Variants in FSTL5 observed in about 807,000 individuals in gnomAD.
FSTL5 encodes the protein follistatin-related protein 5.
Under a neutral mutation model 89.1 loss-of-function variants are expected in FSTL5, and 62 were observed. The observed-to-expected ratio is 0.70, with a 90% CI of 0.57 to 0.86. FSTL5 has a LOEUF of 0.86. FSTL5 is among the 40% of genes least tolerant of loss of function. The pLI is 0.00. For missense variants in FSTL5, 1,057 were observed against 1,001.6 expected, an observed-to-expected ratio of 1.06 and a Z score of -0.75; for synonymous variants, 383 against 346.2, an observed-to-expected ratio of 1.11 and a Z score of -1.18.
intron 6 of FSTL5, among the ~76,000 whole-genome samples, chr4:161,687,995 G>C (rs1029990057): frequency 6.6e-6 from 1 of 152,174 alleles, no homozygotes; most frequent in Non-Finnish European, 1.5e-5. Context: ...ATAAGGAGAG[G>C]CTGGCACCTT....
At chr4:161,560,688 G>T (rs998732062) in intron 8 of FSTL5, among the ~76,000 whole-genome samples, 3 of 151,450 alleles carry the variant, frequency 2.0e-5, no homozygotes, top group Admixed American at 6.6e-5. Context: ...ACCTGTGTAG[G>T]TCCTGTCTTT....
In FSTL5 at chr4:161,384,732, C is replaced by T. The variant is rs1273057915; in HGVS notation, c.*1015G>A. 6.6e-6 allele frequency: 1 copy of T among 152,118 alleles called. No homozygotes were observed. The highest frequency in any genetic ancestry group is 1.9e-4 in the East Asian group (1 of 5,194). The allele number at this position is 152,118 out of a possible 1,614,324, so 9.4% of individuals were successfully genotyped here. ...ACTTATATTACTAATTCTTCTAAGC[C>T]ACTAATACCTCATCAATTCTCTTGC... On this transcript the variant is annotated 3_prime_UTR_variant, in exon 16 of 16. Transcript: ENST00000306100.
rs778097352 is a variant in FSTL5, at chr4:161,504,965, CTTAA to C, written c.1340-4835_1340-4832del. On this transcript the variant is annotated intron_variant, in intron 11 of 15. Coordinates refer to ENST00000306100, the MANE Select transcript of FSTL5 (RefSeq NM_020116.5). The stretch of plus-strand genomic sequence containing the variant: ...TTTTGTGATGTTTTTCTTCCTCTGA[CTTAA>C]TTGTCATTAGTTTTGCATTCATATT... 3.9e-5 allele frequency among the ~76,000 whole-genome samples: 6 copies of C among 152,080 alleles called. No individual in the cohort carries two copies. The East Asian group carries it at 7.7e-4, about 20-fold the overall frequency.
intron 15 of FSTL5, among the ~76,000 whole-genome samples, chr4:161,432,507 T>C (rs1204864941): frequency 1.3e-5 from 2 of 151,676 alleles, no homozygotes; most frequent in Non-Finnish European, 2.9e-5. Flanking sequence ...TAGAAAAACT[T>C]CAAATAAACT....
At chr4:161,895,483 C>T (rs1048529243) in intron 4 of FSTL5, among the ~76,000 whole-genome samples, 1 of 152,024 alleles carries the variant, frequency 6.6e-6, no homozygotes, top group Non-Finnish European at 1.5e-5. Context: ...AAGCCCAGAA[C>T]TATTTCAATA....
chr4:161,550,280 A>C (rs879856592), intron 8 of FSTL5, among the ~76,000 whole-genome samples: 12 of 151,946 alleles, frequency 7.9e-5, no homozygotes, highest in Admixed American at 4.6e-4. Context: ...TACAATATAC[A>C]CAAGCTTGCA....
At chr4:161,684,884 T>G (rs1019307892) in intron 6 of FSTL5, among the ~76,000 whole-genome samples, 1 of 152,232 alleles carries the variant, frequency 6.6e-6, no homozygotes, top group Non-Finnish European at 1.5e-5. Flanking sequence ...TTTTATAGTT[T>G]CAGGTCTTAG....
intron 10 of FSTL5, among the ~76,000 whole-genome samples, chr4:161,530,066 T>C (rs1731356486): frequency 1.4e-5 from 2 of 141,948 alleles, no homozygotes; most frequent in African/African-American, 5.1e-5. Context: ...TTTTGAAGTA[T>C]TTCCTCATTC....
intron 1 of FSTL5, among the ~76,000 whole-genome samples, chr4:162,134,429 A>G (rs1732449011): frequency 6.6e-6 from 1 of 152,220 alleles, no homozygotes; most frequent in South Asian, 2.1e-4. Context: ...CAGGCTAGCA[A>G]TTACACACTA....
intron 8 of FSTL5, among the ~76,000 whole-genome samples, chr4:161,583,231 CAT>C (rs1475481136): frequency 1.3e-5 from 2 of 151,908 alleles, no homozygotes; most frequent in Non-Finnish European, 1.5e-5. Flanking sequence ...AGTTCTTTCT[CAT>C]GTGTCAGGTG....
chr4:161,799,253 C>T lies in FSTL5; in HGVS notation c.410-23179G>A, dbSNP rs1579101195. ...TAGCACATAGCTAGTTTGCCCCCTC[C>T]CCGCCGCCAAGTGTTAGATTCTCCT... On this transcript the variant is annotated intron_variant, in intron 4 of 15. Transcript: ENST00000306100. 3.3e-5 allele frequency among the ~76,000 whole-genome samples: 5 copies of T among 151,656 alleles called. No homozygotes were observed. In the South Asian group the frequency reaches 1.0e-3, roughly 31 times the overall value.
intron 3 of FSTL5, among the ~76,000 whole-genome samples, chr4:161,958,149 G>T (rs572252146): frequency 6.6e-6 from 1 of 151,878 alleles, no homozygotes; most frequent in Non-Finnish European, 1.5e-5. Flanking sequence ...CCTATCAGAC[G>T]TTGTGGTTTT....
chr4:161,679,142 T>C (rs28429206), intron 6 of FSTL5, among the ~76,000 whole-genome samples: 1,983 of 151,664 alleles, frequency 0.013, 33 homozygotes, highest in African/African-American at 0.044. Flanking sequence ...AAAGAGGAGA[T>C]CATGGATGAT....
chr4:161,779,785 A>ATGTATATATG (rs1411691003), intron 4 of FSTL5, among the ~76,000 whole-genome samples: 2 of 44,304 alleles, frequency 4.5e-5, no homozygotes, highest in Non-Finnish European at 6.9e-5. Context: ...GTATATATAT[A>ATGTATATATG]TATATATATA....
intron 15 of FSTL5, among the ~76,000 whole-genome samples, chr4:161,417,587 A>G (rs1469670582): frequency 1.3e-5 from 2 of 152,234 alleles, no homozygotes; most frequent in African/African-American, 4.8e-5. Flanking sequence ...CAGTTGATTA[A>G]GAATTAAGAT....
At chr4:161,402,108 A>G (rs1346818463) in intron 15 of FSTL5, among the ~76,000 whole-genome samples, 1 of 152,208 alleles carries the variant, frequency 6.6e-6, no homozygotes, top group African/African-American at 2.4e-5. Flanking sequence ...TGTTACCAGA[A>G]GGAACTAGCT....
chr4:161,564,085 T>G (rs899276148), intron 8 of FSTL5, among the ~76,000 whole-genome samples: 2 of 151,884 alleles, frequency 1.3e-5, no homozygotes, highest in African/African-American at 4.8e-5. Context: ...TGATATTAAT[T>G]TTCTTCAGAG....
intron 7 of FSTL5, among the ~76,000 whole-genome samples, chr4:161,598,240 T>C (rs940640169): frequency 3.3e-5 from 5 of 151,976 alleles, no homozygotes; most frequent in Admixed American, 3.3e-4. Flanking sequence ...CTGGGTGTGG[T>C]GGCATGCACC....
chr4:162,051,917 T>C (rs182525530), intron 2 of FSTL5, among the ~76,000 whole-genome samples: 1 of 151,212 alleles, frequency 6.6e-6, no homozygotes, highest in Admixed American at 6.6e-5. Context: ...GGTTGCAAGA[T>C]AGTAACAACA....
Sources: allele counts gnomAD v4.1 joint callset (sites outside exome capture counted in the v4.1 genomes callset), GRCh38; gene constraint gnomAD v4.1.1; transcripts MANE v1.5; gene names NCBI Gene and HGNC (gene_info 2026-07-23, HGNC 2026-07-21).